TMIGD3: variants seen among roughly 807,000 people sequenced by gnomAD.
The protein encoded by TMIGD3 is AD026 protein (AD026).
A neutral mutation model predicts 28.1 loss-of-function variants in TMIGD3; 21 were observed. The ratio of observed to expected loss-of-function variants is 0.75; its 90% CI spans 0.53 to 1.08. The LOEUF (loss-of-function observed/expected upper bound fraction) is 1.08. Ranked by LOEUF, TMIGD3 falls within the 50% of genes least tolerant of loss-of-function variation. The pLI is 0.00. For missense variants in TMIGD3, 416 were observed against 435.6 expected, an observed-to-expected ratio of 0.96 and a Z score of 0.40; for synonymous variants, 151 against 162.1, an observed-to-expected ratio of 0.93 and a Z score of 0.52.
chr1:111,550,472 T>C (rs1336060514), intron 1 of TMIGD3, among the ~76,000 whole-genome samples: 3 of 152,212 alleles, frequency 2.0e-5, no homozygotes, highest in African/African-American at 7.2e-5. Flanking sequence ...CAACTAACTG[T>C]AAATTTCCCT....
intron 1 of TMIGD3, among the ~76,000 whole-genome samples, chr1:111,511,036 C>T (rs569479227): frequency 3.3e-5 from 5 of 152,206 alleles, no homozygotes; most frequent in African/African-American, 7.2e-5. Flanking sequence ...ATAATGCTAT[C>T]ATTCCCCCAG....
intron 1 of TMIGD3, among the ~76,000 whole-genome samples, chr1:111,513,023 CTT>C (rs1655742487): frequency 6.6e-6 from 1 of 152,186 alleles, no homozygotes; most frequent in Non-Finnish European, 1.5e-5. Context: ...GCTGGGTGGA[CTT>C]TGCGAACCCC....
At position 111,529,848 on chromosome 1, in the gene TMIGD3, A is replaced by G. The variant is rs532695033; in HGVS notation, c.107+33998T>C. Among the ~76,000 whole-genome samples the G allele has an allele frequency of 4.8e-3, 733 of 151,954 alleles. 2 individuals are homozygous for G. The highest frequency in any genetic ancestry group is 7.5e-3 in the Non-Finnish European group (507 of 67,932). On this transcript the variant is annotated intron_variant, in intron 1 of 5. Transcript: ENST00000369717. Reference sequence around the variant, plus strand: ...CCCCTTTCTATTCCACAAAACCGCCATTGTCATCATGGCCCGTTCTCAATG... The same window carrying G: ...CCCCTTTCTATTCCACAAAACCGCCGTTGTCATCATGGCCCGTTCTCAATG...
chr1:111,498,769 A>G (rs1655007072), intron 1 of TMIGD3, among the ~76,000 whole-genome samples: 1 of 152,234 alleles, frequency 6.6e-6, no homozygotes. Context: ...GAGATAATGC[A>G]TGCAAAGTAC....
chr1:111,504,840 T>C, upstream of TMIGD3: 1 of 985,106 alleles, frequency 1.0e-6, no homozygotes, highest in Non-Finnish European at 1.2e-6. Flanking sequence ...TATCCCAAGT[T>C]GATCCAAGTC....
At chr1:111,540,135 G>T (rs947703387) in intron 1 of TMIGD3, among the ~76,000 whole-genome samples, 13 of 152,226 alleles carry the variant, frequency 8.5e-5, no homozygotes, top group African/African-American at 3.1e-4. Flanking sequence ...ATAGTGGTTT[G>T]TAATTTGTTA....
intron 1 of TMIGD3, among the ~76,000 whole-genome samples, chr1:111,519,681 T>G (rs1655989570): frequency 6.6e-6 from 1 of 151,696 alleles, no homozygotes; most frequent in Non-Finnish European, 1.5e-5. Flanking sequence ...CTCCCCGAGC[T>G]TAGTGCCTTT....
At chr1:111,485,384 A>T in intron 5 of TMIGD3, 1 of 212,860 alleles carries the variant, frequency 4.7e-6, no homozygotes, top group Non-Finnish European at 9.4e-6. Context: ...ACTCTTCTAT[A>T]CCTGCTTACC....
At chr1:111,531,463 T>C (rs2101014585) in intron 1 of TMIGD3, among the ~76,000 whole-genome samples, 1 of 152,310 alleles carries the variant, frequency 6.6e-6, no homozygotes, top group Non-Finnish European at 1.5e-5. Context: ...TTTTATGTCT[T>C]CCATGTCTCT....
chr1:111,494,438 A>G (rs1654799436), intron 1 of TMIGD3, among the ~76,000 whole-genome samples: 1 of 152,240 alleles, frequency 6.6e-6, no homozygotes. Flanking sequence ...TGAGAGCCAA[A>G]TCAGGAATGC....
intron 1 of TMIGD3, among the ~76,000 whole-genome samples, chr1:111,551,766 G>GTTTTTT (rs56257032): frequency 1.3e-5 from 2 of 149,160 alleles, no homozygotes; most frequent in African/African-American, 4.9e-5. Context: ...GTTTTGTTTT[G>GTTTTTT]TTTTTTTGAG....
intron 1 of TMIGD3, among the ~76,000 whole-genome samples, chr1:111,492,639 C>T (rs996109921): frequency 2.6e-5 from 4 of 151,952 alleles, no homozygotes; most frequent in Non-Finnish European, 4.4e-5. Flanking sequence ...TATGGTGAAA[C>T]CCCATCTCTA....
intron 1 of TMIGD3, among the ~76,000 whole-genome samples, chr1:111,514,541 G>A (rs1250449464): frequency 2.6e-5 from 4 of 151,540 alleles, no homozygotes; most frequent in Non-Finnish European, 4.4e-5. Context: ...TGGATGACAG[G>A]ATGAGACCTT....
At chr1:111,527,583 C>T (rs1274609124) in intron 1 of TMIGD3, among the ~76,000 whole-genome samples, 1 of 152,180 alleles carries the variant, frequency 6.6e-6, no homozygotes, top group Non-Finnish European at 1.5e-5. Context: ...TCAGAAACTG[C>T]CAAACTGTCT....
intron 1 of TMIGD3, among the ~76,000 whole-genome samples, chr1:111,509,814 C>A (rs1193107038): frequency 6.6e-6 from 1 of 152,236 alleles, no homozygotes; most frequent in African/African-American, 2.4e-5. Flanking sequence ...TTGCATACAT[C>A]ACTCACAATT....
chr1:111,556,019 A>G (rs1657478877), intron 1 of TMIGD3, among the ~76,000 whole-genome samples: 1 of 152,248 alleles, frequency 6.6e-6, no homozygotes, highest in Non-Finnish European at 1.5e-5. Flanking sequence ...CATGTATGTG[A>G]TAAGGAATTA....
intron 1 of TMIGD3, among the ~76,000 whole-genome samples, chr1:111,494,430 A>C (rs2100968135): frequency 6.6e-6 from 1 of 152,376 alleles, no homozygotes; most frequent in South Asian, 2.1e-4. Flanking sequence ...AGCCAGGCTG[A>C]GAGCCAAATC....
intron 1 of TMIGD3, among the ~76,000 whole-genome samples, chr1:111,541,105 A>T (rs1415089249): frequency 1.3e-5 from 2 of 152,208 alleles, no homozygotes; most frequent in African/African-American, 4.8e-5. Context: ...ACAACCACAG[A>T]CATATGTGTA....
intron 1 of TMIGD3, among the ~76,000 whole-genome samples, chr1:111,554,210 T>G (rs1657387587): frequency 6.6e-6 from 1 of 152,184 alleles, no homozygotes; most frequent in Non-Finnish European, 1.5e-5. Context: ...AAAATTGAAT[T>G]AACACACATA....
Sources: gnomAD v4.1 joint callset for allele counts (sites outside exome capture counted in the v4.1 genomes callset) on GRCh38, gnomAD v4.1.1 for gene constraint, MANE v1.5 for transcripts, NCBI Gene and HGNC (gene_info 2026-07-23, HGNC 2026-07-21) for gene names.